Variants in ROCK1 observed in about 807,000 individuals in gnomAD.
The protein encoded by ROCK1 is Rho associated coiled-coil containing protein kinase 1.
In ROCK1, 36 loss-of-function variants were observed where a neutral mutation model predicts 196.8. That is an observed-to-expected ratio of 0.18 (90% CI 0.14 to 0.24). The LOEUF (loss-of-function observed/expected upper bound fraction) is 0.24, where lower values mean the gene tolerates loss of function less well. Among genes scored for constraint, ROCK1 ranks in the 10% least tolerant of loss-of-function variants. ROCK1 has a pLI of 1.00. For missense variants in ROCK1, 920 were observed against 1,562.0 expected (o/e 0.59, Z 6.93); for synonymous variants, 443 against 515.9 (o/e 0.86, Z 1.91).
chr18:20,965,383 T>TCATACATACATA (rs766977630), intron 27 of ROCK1, among the ~76,000 whole-genome samples: 1 of 148,958 alleles, frequency 6.7e-6, no homozygotes, highest in Non-Finnish European at 1.5e-5. Context: ...TGAGACTGTT[T>TCATACATACATA]CATACATACA....
intron 1 of ROCK1, among the ~76,000 whole-genome samples, chr18:21,073,641 T>A (rs1298351862): frequency 1.3e-5 from 2 of 152,108 alleles, no homozygotes; most frequent in African/African-American, 2.4e-5. Context: ...ACCTAAATGG[T>A]TATTATTCTA....
chr18:21,083,826 T>C (rs2036502797), intron 1 of ROCK1, among the ~76,000 whole-genome samples: 1 of 152,212 alleles, frequency 6.6e-6, no homozygotes, highest in Admixed American at 6.5e-5. Context: ...TATTAGTAGT[T>C]AAGTTTTGGG....
intron 21 of ROCK1, among the ~76,000 whole-genome samples, chr18:20,981,063 G>T (rs2035527779): frequency 6.6e-6 from 1 of 151,874 alleles, no homozygotes; most frequent in South Asian, 2.1e-4. Context: ...GTTTTGAGGG[G>T]TGGGATGTAC....
intron 29 of ROCK1, among the ~76,000 whole-genome samples, chr18:20,958,984 T>A (rs1162691291): frequency 4.7e-4 from 40 of 84,690 alleles, no homozygotes; most frequent in African/African-American, 1.8e-3. Flanking sequence ...TATATATATT[T>A]TATAAAAAAT....
intron 1 of ROCK1, among the ~76,000 whole-genome samples, chr18:21,090,760 T>C (rs2036562747): frequency 6.6e-6 from 1 of 152,150 alleles, no homozygotes; most frequent in Non-Finnish European, 1.5e-5. Context: ...ATTGAAAACT[T>C]ATAATGTGCC....
rs540038055 is a variant in ROCK1, at chr18:21,111,747, G to C, written c.-837C>G. 1.3e-5 allele frequency: 2 copies of C among 152,462 alleles called. No individual in the cohort carries two copies. Among genetic ancestry groups the C allele is most frequent in the Non-Finnish European group, 2.9e-5 (2 of 68,248 alleles). 9.4% of individuals were successfully genotyped at this position (152,462 alleles called of 1,614,324 possible). ...GGCGAATGCCTGGGGGGTGGGGCGAGGGGGGCTGAGAGGGACTAATATGTC... is the reference window on the plus strand; with the variant it reads ...GGCGAATGCCTGGGGGGTGGGGCGACGGGGGCTGAGAGGGACTAATATGTC... On this transcript the variant is annotated 5_prime_UTR_variant, in exon 1 of 33. Transcript: ENST00000399799. The surrounding 1 kb of genome is among the most constrained non-coding windows in gnomAD (Gnocchi z 4.2).
In ROCK1 at chr18:21,036,528, T is replaced by C. The variant is rs375705484; in HGVS notation, c.1051+2944A>G. ...AGCATTATCATAGCTAACCGCACCC[T>C]TGAACTCCTGGGCTCAGGTGATTCT... On this transcript the variant is annotated intron_variant, in intron 9 of 32. Transcript: ENST00000399799. Among the ~76,000 whole-genome samples, 27 of 152,322 alleles carry C rather than the reference T, an allele frequency of 1.8e-4. No individual in the cohort carries two copies. In the East Asian group the frequency reaches 2.1e-3, roughly 12 times the overall value.
chr18:20,952,963 G>T (rs531844863), intron 32 of ROCK1, among the ~76,000 whole-genome samples: 40 of 152,220 alleles, frequency 2.6e-4, no homozygotes, highest in African/African-American at 9.4e-4. Context: ...TCACGCACCA[G>T]GGCCTGTCGA....
chr18:21,017,255 A>G (rs167029), intron 12 of ROCK1, among the ~76,000 whole-genome samples: 29,982 of 143,954 alleles, frequency 0.21, 6,882 homozygotes, highest in African/African-American at 0.57. Flanking sequence ...GCAGCAGCGC[A>G]ATCTCAGCTC....
intron 20 of ROCK1, 99 bp from the exon 21 acceptor site, chr18:20,982,931 TAAAAC>T: frequency 1.7e-6 from 1 of 580,314 alleles, no homozygotes; most frequent in Non-Finnish European, 3.1e-6. Flanking sequence ...AAAAGTTTAC[TAAAAC>T]AATCTTTATT....
chr18:21,053,780 T>C (rs990512257), intron 2 of ROCK1, among the ~76,000 whole-genome samples: 4 of 152,120 alleles, frequency 2.6e-5, no homozygotes, highest in African/African-American at 9.7e-5. Flanking sequence ...AAGGCTGCAG[T>C]GAGCTATGAA....
At chr18:20,962,323 C>T (rs1424036656) in intron 27 of ROCK1, among the ~76,000 whole-genome samples, 2 of 152,112 alleles carry the variant, frequency 1.3e-5, no homozygotes, top group Non-Finnish European at 2.9e-5. Flanking sequence ...GTTTGGAAAA[C>T]ATTAAGATGA....
In ROCK1 at chr18:20,986,963, C is replaced by T. The variant is rs533072462; in HGVS notation, c.2291G>A (p.Arg764Lys). ...TATTTTTCTTACTTCATCCTCCATC[C>T]TTTCTTTATTTCCAGTCAAATGTTC... Reference protein sequence around the residue: ...KLEHLTGNKERMEDEVKNLTL... With the variant: ...KLEHLTGNKEKMEDEVKNLTL... Residue 764 changes from arginine (R) to lysine (K), a missense_variant, in exon 19 of 33, where the codon AGG (arginine) becomes AAG (lysine). Physicochemically the swap from Arg to Lys is conservative, Grantham distance 26. This residue lies in a region of ROCK1 where 520 missense variants were observed against 657.1 expected (regional missense o/e 0.79). Coordinates refer to ENST00000399799, the MANE Select transcript of ROCK1 (RefSeq NM_005406.3). 1.3e-6 allele frequency: 2 copies of T among 1,593,638 alleles called. No individual in the cohort carries two copies. The highest frequency in any genetic ancestry group is 1.4e-5 in the African/African-American group (1 of 73,726).
intron 9 of ROCK1, among the ~76,000 whole-genome samples, chr18:21,029,402 T>C (rs1166501916): frequency 6.6e-6 from 1 of 152,182 alleles, no homozygotes; most frequent in Non-Finnish European, 1.5e-5. Context: ...CTGGACATCA[T>C]AATTTGGTAC....
At chr18:21,072,837 G>A (rs572624554) in intron 1 of ROCK1, among the ~76,000 whole-genome samples, 25 of 152,128 alleles carry the variant, frequency 1.6e-4, no homozygotes, top group East Asian at 1.9e-4. Context: ...TTGGGAGGCC[G>A]AGGCAGGCGT....
chr18:21,110,735 CT>C, intron 1 of ROCK1, 82 bp downstream of exon 1: 2 of 1,129,218 alleles, frequency 1.8e-6, no homozygotes, highest in Non-Finnish European at 2.7e-6. Flanking sequence ...ACACCTGAGA[CT>C]TTTGCAGCGA....
rs771954779 is a variant in ROCK1, at chr18:21,044,135, T to C, written c.642A>G (p.Leu214=). 1 of 1,611,346 alleles carries C rather than the reference T, an allele frequency of 6.2e-7. No individual in the cohort carries two copies. The highest frequency in any genetic ancestry group is 8.5e-7 in the Non-Finnish European group (1 of 1,178,834). The change falls in exon 6 of 33, where the codon TTA becomes TTG. Residue 214 remains leucine, a synonymous_variant. Coordinates refer to ENST00000399799, the MANE Select transcript of ROCK1 (RefSeq NM_005406.3). ...TCTTCATACAAGTACCAAAATCTGC[T>C]AACTTCAAATGTCCAGATTTATCCA... ...MLLDKSGHLK[L]ADFGTCMKMN... is the part of the protein sequence containing the mutation.
chr18:21,097,666 G>A (rs779022191), intron 1 of ROCK1, among the ~76,000 whole-genome samples: 2 of 152,118 alleles, frequency 1.3e-5, no homozygotes, highest in Non-Finnish European at 2.9e-5. Context: ...TTTTTCCCAA[G>A]GACAAATCAT....
chr18:20,958,316 G>A (rs538384442), intron 29 of ROCK1, among the ~76,000 whole-genome samples: 37 of 151,888 alleles, frequency 2.4e-4, no homozygotes, highest in Non-Finnish European at 3.7e-4. Flanking sequence ...AATTCCAAAG[G>A]GATGATAATA....
Sources: gnomAD v4.1 joint callset for allele counts (sites outside exome capture counted in the v4.1 genomes callset) on GRCh38, gnomAD v4.1.1 for gene constraint, gnomAD v4.1.1 regional missense constraint, Gnocchi (gnomAD v3.1) non-coding constraint, MANE v1.5 for transcripts, NCBI Gene and HGNC (gene_info 2026-07-23, HGNC 2026-07-21) for gene names.